Variants in SEL1L observed in about 807,000 individuals in gnomAD.
SEL1L encodes protein sel-1 homolog 1.
A neutral mutation model predicts 109.8 loss-of-function variants in SEL1L; 52 were observed. The ratio of observed to expected loss-of-function variants is 0.47; its 90% CI spans 0.38 to 0.60. The LOEUF (loss-of-function observed/expected upper bound fraction) is 0.60, where lower values mean the gene tolerates loss of function less well. Among genes scored for constraint, SEL1L ranks in the 20% least tolerant of loss-of-function variants. The pLI is 0.00. For missense variants in SEL1L, 749 were observed against 962.2 expected, an observed-to-expected ratio of 0.78 and a Z score of 2.93; for synonymous variants, 373 against 339.6, an observed-to-expected ratio of 1.10 and a Z score of -1.08.
chr14:81,500,103 GT>G (rs1386310741), intron 6 of SEL1L, among the ~76,000 whole-genome samples: 1 of 151,062 alleles, frequency 6.6e-6, no homozygotes, highest in East Asian at 2.0e-4. Flanking sequence ...TAGAGACAGG[GT>G]TTCACCATGT....
intron 18 of SEL1L, 181 bp from the exon 19 acceptor site, chr14:81,484,578 G>A (rs1595504193): frequency 1.8e-6 from 1 of 550,864 alleles, no homozygotes; most frequent in East Asian, 3.0e-5. Context: ...TAAACTAGAA[G>A]TGTAGCTCTT....
intron 4 of SEL1L, 37 bp from the exon 5 acceptor site, chr14:81,504,343 T>C: frequency 7.1e-7 from 1 of 1,406,574 alleles, no homozygotes; most frequent in Non-Finnish European, 9.7e-7. Flanking sequence ...AAATGGATTT[T>C]AATTCTATCA....
chr14:81,526,932 G>A lies in SEL1L; in HGVS notation c.141C>T (p.Asp47=), dbSNP rs763809617. 58 of 1,609,034 alleles carry A rather than the reference G, an allele frequency of 3.6e-5. No individual in the cohort carries two copies. The highest frequency in any genetic ancestry group is 4.8e-5 in the Non-Finnish European group (57 of 1,177,726). The stretch of plus-strand genomic sequence containing the variant: ...CAACTACTCTGCCTGCAGTAGTATG[G>A]TCCTTTACTGACTCATCTGATGTCA... ...TTLTSDESVK[D]HTTAGRVVAG... Residue 47 remains aspartate, a synonymous_variant, in exon 3 of 21, where the codon GAC becomes GAT. Coordinates refer to ENST00000336735, the MANE Select transcript of SEL1L (RefSeq NM_005065.6).
intron 3 of SEL1L, 22 bp downstream of exon 3, chr14:81,526,711 G>C (rs373643906): frequency 2.5e-6 from 4 of 1,589,838 alleles, no homozygotes; most frequent in African/African-American, 1.3e-5. Flanking sequence ...AAATCAAAAA[G>C]CAAGGAAAAT....
intron 6 of SEL1L, 140 bp downstream of exon 6, chr14:81,502,581 C>G: frequency 1.3e-6 from 1 of 793,342 alleles, no homozygotes; most frequent in Non-Finnish European, 2.0e-6. Context: ...TCCAAGAAGA[C>G]TGATAAAATG....
At position 81,474,200 on chromosome 14, in the gene SEL1L, G is replaced by C. The variant is rs1903089404; in HGVS notation, c.*2772C>G. On this transcript the variant is annotated 3_prime_UTR_variant, in exon 21 of 21. Transcript: ENST00000336735. ...GCCATTGACTGCTAATCAAAAATAA[G>C]CCTTACCTAGAAAACAGAAACTGAA... 1 of 147,750 alleles carries C rather than the reference G, an allele frequency of 6.8e-6. No homozygotes were observed. The highest frequency in any genetic ancestry group is 2.5e-5 in the African/African-American group (1 of 39,878). 9.2% of individuals were successfully genotyped at this position (147,750 alleles called of 1,614,324 possible). A position where few individuals can be genotyped will look rare whatever the true frequency, so the allele number is the denominator to read the frequency against.
intron 14 of SEL1L, chr14:81,489,021 A>G: frequency 3.7e-6 from 2 of 533,950 alleles, no homozygotes; most frequent in South Asian, 2.6e-5. Flanking sequence ...ACAAGAAACA[A>G]CTCCATACCT....
rs1903498984 is a variant in SEL1L at position 81,485,681 on chromosome 14, C to T, written c.1864G>A (p.Ala622Thr). The T allele has an allele frequency of 1.9e-6, 3 of 1,613,394 alleles. No homozygotes were observed. Among genetic ancestry groups the T allele is most frequent in the South Asian group, 1.1e-5 (1 of 91,066 alleles). The part of the protein sequence containing the change: ...PRALLHWNRA[A>T]SQGYTVARIK... ...AGAATTAATCACTTACCTTGAGAGG[C>T]GGCCCTGTTCCAATGTAGCAAAGCT... Residue 622 changes from alanine (A) to threonine (T), a missense_variant, in exon 18 of 21, where the codon GCC becomes ACC. Around this residue, in one of 2 missense-constraint regions of SEL1L, gnomAD observed 383 missense variants for 562.5 expected, o/e 0.68. Transcript: ENST00000336735.
intron 3 of SEL1L, among the ~76,000 whole-genome samples, chr14:81,513,479 G>GT (rs1202134667): frequency 2.0e-4 from 30 of 152,206 alleles, no homozygotes; most frequent in African/African-American, 7.0e-4. Flanking sequence ...CTTAAGAACT[G>GT]TAACACTCAC....
chr14:81,516,981 C>T (rs1174947608), intron 3 of SEL1L, among the ~76,000 whole-genome samples: 1 of 152,154 alleles, frequency 6.6e-6, no homozygotes, highest in East Asian at 1.9e-4. Context: ...CCTACCAAAT[C>T]ATTAAACCTG....
chr14:81,532,261 A>G (rs185375903), intron 1 of SEL1L, among the ~76,000 whole-genome samples: 1 of 152,346 alleles, frequency 6.6e-6, no homozygotes, highest in Non-Finnish European at 1.5e-5. Flanking sequence ...TTTAGTGTGA[A>G]GAATCCCTCA....
chr14:81,507,229 G>T (rs1483253557), intron 3 of SEL1L, among the ~76,000 whole-genome samples: 1 of 152,178 alleles, frequency 6.6e-6, no homozygotes, highest in African/African-American at 2.4e-5. Flanking sequence ...GTTTTGCATA[G>T]GAGTGACATG....
Position 81,497,994 on chromosome 14 carries a change from C to A in SEL1L, c.1026G>T (p.Leu342=). 1 of 1,614,040 alleles carries A rather than the reference C, an allele frequency of 6.2e-7. No individual in the cohort carries two copies. Among genetic ancestry groups the A allele is most frequent in the Admixed American group, 1.7e-5 (1 of 60,014 alleles). ...TTCCTGGATTTTCCACTTCATCAGG[C>A]AGCCGTATTCTCTGTACTACTGAGC... The part of the protein sequence containing the change: ...TGGSVVQRIR[L]PDEVENPGMN... The change falls in exon 10 of 21, where the codon CTG becomes CTT. Residue 342 remains leucine (L), a synonymous_variant. Transcript: ENST00000336735.
rs968023025 is a variant in SEL1L, at chr14:81,475,512, G to C, written c.*1460C>G. 6.6e-6 allele frequency: 1 copy of C among 152,274 alleles called. No individual in the cohort carries two copies. The highest frequency in any genetic ancestry group is 2.4e-5 in the African/African-American group (1 of 41,448). 9.4% of individuals were successfully genotyped at this position (152,274 alleles called of 1,614,324 possible). The stretch of plus-strand genomic sequence containing the variant: ...AAACTTTTCAAGTTTTCTGGCAGAT[G>C]AGGGATTCTGGGAAAAAAGCATGAA... On this transcript the variant is annotated 3_prime_UTR_variant, in exon 21 of 21. Transcript: ENST00000336735.
intron 3 of SEL1L, among the ~76,000 whole-genome samples, chr14:81,519,593 C>T (rs751446188): frequency 1.3e-5 from 2 of 152,138 alleles, no homozygotes; most frequent in African/African-American, 2.4e-5. Context: ...TGAGTAGGAC[C>T]GGAAGCCAAA....
At chr14:81,526,613 A>G (rs1396752657) in intron 3 of SEL1L, 120 bp downstream of exon 3, 2 of 761,088 alleles carry the variant, frequency 2.6e-6, no homozygotes, top group African/African-American at 1.8e-5. Context: ...ACTACACTCC[A>G]TATATTATTT....
rs758116799 is a variant in SEL1L at position 81,499,484 on chromosome 14, C to T, written c.866G>A (p.Gly289Asp). The T allele has an allele frequency of 6.2e-6, 10 of 1,612,032 alleles. No individual in the cohort carries two copies. Among genetic ancestry groups the T allele is most frequent in the East Asian group, 2.2e-5 (1 of 44,794 alleles). ...LVYYTFGALGGNLIAHMVLGY... is the reference protein window; with the variant it reads ...LVYYTFGALGDNLIAHMVLGY... ...CAAAACCATGTGGGCTATTAGATTGCCCCCAAGAGCTCCAAATGTATAATA... is the reference window on the plus strand; with the variant it reads ...CAAAACCATGTGGGCTATTAGATTGTCCCCAAGAGCTCCAAATGTATAATA... The change falls in exon 8 of 21, where the codon GGC becomes GAC. Residue 289 changes from glycine (G) to aspartate (D), a missense_variant. Transcript: ENST00000336735.
At position 81,499,662 on chromosome 14, in the gene SEL1L, C is replaced by G. The variant is rs1883920774; in HGVS notation, c.778G>C (p.Ala260Pro). The change falls in exon 7 of 21, where the codon GCT becomes CCT. Residue 260 changes from alanine (A) to proline (P), a missense_variant and splice_region_variant. Physicochemically the swap from Ala to Pro is conservative, Grantham distance 27. This residue lies in a region of SEL1L where 366 missense variants were observed against 399.8 expected (regional missense o/e 0.92). Coordinates refer to ENST00000336735, the MANE Select transcript of SEL1L (RefSeq NM_005065.6). ...TEEGSPKGQT[A>P]LGFLYASGLG... Reference sequence around the variant, plus strand: ...CCAGAGGCATACAGAAAGCCAAGAGCCTGAAATAGATGATAAAAGTAAGAA... The same window carrying G: ...CCAGAGGCATACAGAAAGCCAAGAGGCTGAAATAGATGATAAAAGTAAGAA... 1 of 1,603,392 alleles carries G rather than the reference C, an allele frequency of 6.2e-7. No individual in the cohort carries two copies. Among genetic ancestry groups the G allele is most frequent in the Non-Finnish European group, 8.5e-7 (1 of 1,177,438 alleles).
intron 1 of SEL1L, among the ~76,000 whole-genome samples, chr14:81,529,820 A>G (rs1253080382): frequency 6.6e-6 from 1 of 152,214 alleles, no homozygotes; most frequent in Non-Finnish European, 1.5e-5. Flanking sequence ...CACTTTTTAA[A>G]GAGTTGTTTA....
Sources: gnomAD v4.1 joint callset for allele counts (sites outside exome capture counted in the v4.1 genomes callset) on GRCh38, gnomAD v4.1.1 for gene constraint, gnomAD v4.1.1 regional missense constraint, MANE v1.5 for transcripts, NCBI Gene and HGNC (gene_info 2026-07-23, HGNC 2026-07-21) for gene names.